The following TAFA1 variants were observed in gnomAD, a reference collection of about 807,000 sequenced individuals.
The protein encoded by TAFA1 is TAFA chemokine like family member 1, also known as chemokine-like protein TAFA-1.
In TAFA1, 4 loss-of-function variants were observed where a neutral mutation model predicts 18.5. The ratio of observed to expected loss-of-function variants is 0.22; its 90% CI spans 0.11 to 0.49. The LOEUF (loss-of-function observed/expected upper bound fraction) is 0.49. TAFA1 is among the 20% of genes least tolerant of loss of function. The probability of loss-of-function intolerance (pLI) is 0.98; values close to 1 mark genes in which losing one functional copy is unlikely to be tolerated. For missense variants in TAFA1, 147 were observed against 169.0 expected (o/e 0.87, Z 0.72); for synonymous variants, 56 against 55.2 (o/e 1.01, Z -0.06).
At chr3:68,290,000 G>A (rs947738039) in intron 2 of TAFA1, among the ~76,000 whole-genome samples, 1 of 152,142 alleles carries the variant, frequency 6.6e-6, no homozygotes, top group African/African-American at 2.4e-5. Context: ...TTAAAATTAA[G>A]ATTTTTATCC....
At chr3:67,998,997 T>A in the TAFA1 span, among the ~76,000 whole-genome samples, 1 of 152,340 alleles carries the variant, frequency 6.6e-6, no homozygotes, top group South Asian at 2.1e-4. Flanking sequence ...ATCTTTCTTC[T>A]AGCTTACTAA....
At chr3:68,343,340 C>T (rs1043399480) in intron 2 of TAFA1, among the ~76,000 whole-genome samples, 20 of 151,976 alleles carry the variant, frequency 1.3e-4, no homozygotes, top group African/African-American at 2.4e-4. Context: ...GGGATAGGAC[C>T]GGTAGTTTAC....
At chr3:68,495,998 CAAAAAAAAAAAAAAAA>C (rs199520960) in intron 3 of TAFA1, among the ~76,000 whole-genome samples, 103 of 107,524 alleles carry the variant, frequency 9.6e-4, no homozygotes, top group Admixed American at 1.0e-3. Context: ...TTCCCTGAAG[CAAAAAAAAAAAAAAAA>C]AAAAAAAAAA....
At chr3:68,357,807 A>G (rs1340232724) in intron 2 of TAFA1, among the ~76,000 whole-genome samples, 2 of 151,946 alleles carry the variant, frequency 1.3e-5, no homozygotes, top group African/African-American at 2.4e-5. Flanking sequence ...GAGATTCCCA[A>G]TTACACCTGT....
At chr3:68,270,015 G>A (rs1299661282) in intron 2 of TAFA1, among the ~76,000 whole-genome samples, 1 of 152,140 alleles carries the variant, frequency 6.6e-6, no homozygotes, top group East Asian at 1.9e-4. Context: ...TGGAAAGTCT[G>A]TGCCCCTTTC....
rs566074090 is a variant in TAFA1, at chr3:68,532,439, GA to G, written c.260-6316del. On this transcript the variant is annotated intron_variant, in intron 3 of 4. Transcript: ENST00000478136. ...CATTGAGTCTTTTTTTCGGAGGGGG[GA>G]TGGAGGGTGGGCAGTGCTCAGAGAA... is the stretch of plus-strand genomic sequence containing the variant. Among the ~76,000 whole-genome samples, 165 of 152,142 alleles carry G rather than the reference GA, an allele frequency of 1.1e-3. 1 individual carries two copies. The highest frequency in any genetic ancestry group is 1.9e-3 in the Non-Finnish European group (128 of 67,992).
intron 3 of TAFA1, among the ~76,000 whole-genome samples, chr3:68,467,651 G>C (rs900485858): frequency 6.6e-6 from 1 of 152,186 alleles, no homozygotes. Flanking sequence ...CAGGGGTAAG[G>C]GGAGATTCTG....
rs11410637 is a variant in TAFA1, at chr3:68,102,091, T to TA, written c.118+95348dup. ...AAGAATAAAGGTGAAGGTGTTAGAG[T>TA]AGCTGATACCTTTTTGACATTTTGA... On this transcript the variant is annotated intron_variant, in intron 2 of 4. Transcript: ENST00000478136. 5.4e-3 allele frequency among the ~76,000 whole-genome samples: 816 copies of TA among 152,286 alleles called. 5 individuals carry two copies. Among genetic ancestry groups the TA allele is most frequent in the African/African-American group, 0.019 (770 of 41,558 alleles).
intron 2 of TAFA1, among the ~76,000 whole-genome samples, chr3:68,082,338 C>A (rs2106778553): frequency 6.6e-6 from 1 of 152,310 alleles, no homozygotes; most frequent in Middle Eastern, 3.4e-3. Flanking sequence ...GGCTCCTCCC[C>A]CCTGTTCCTA....
At chr3:68,346,679 T>A (rs2069169943) in intron 2 of TAFA1, among the ~76,000 whole-genome samples, 1 of 152,198 alleles carries the variant, frequency 6.6e-6, no homozygotes, top group African/African-American at 2.4e-5. Context: ...GAACTTGCTG[T>A]AGGTTAACTC....
intron 3 of TAFA1, among the ~76,000 whole-genome samples, chr3:68,449,588 A>G (rs75986400): frequency 0.024 from 3,638 of 152,142 alleles, 69 homozygotes; most frequent in East Asian, 0.093. Context: ...TAAGAAGACT[A>G]CCCTCTCTCC....
chr3:68,433,078 A>G (rs1165755873), intron 3 of TAFA1, among the ~76,000 whole-genome samples: 2 of 152,046 alleles, frequency 1.3e-5, no homozygotes, highest in African/African-American at 4.8e-5. Context: ...GGATTTCTCA[A>G]AGACACCTCA....
At position 68,116,669 on chromosome 3, in the gene TAFA1, T is replaced by G. The variant is rs534572794; in HGVS notation, c.118+109925T>G. 1.1e-3 allele frequency among the ~76,000 whole-genome samples: 162 copies of G among 152,324 alleles called. No homozygotes were observed. In the South Asian group the frequency reaches 0.013, roughly 12 times the overall value. ...CAATATCGCATGATACTATTTTGTTTACCTATTTATCTTTGTCTGCTTGCC... is the reference window on the plus strand; with the variant it reads ...CAATATCGCATGATACTATTTTGTTGACCTATTTATCTTTGTCTGCTTGCC... On this transcript the variant is annotated intron_variant, in intron 2 of 4. Coordinates refer to ENST00000478136, the MANE Select transcript of TAFA1 (RefSeq NM_213609.4).
chr3:68,075,619 G>T (rs1163360448), intron 2 of TAFA1, among the ~76,000 whole-genome samples: 1 of 151,928 alleles, frequency 6.6e-6, no homozygotes, highest in Non-Finnish European at 1.5e-5. Flanking sequence ...AGTGTCTCAA[G>T]TGGGTAGAAA....
chr3:68,391,153 A>G (rs551731952), intron 2 of TAFA1, among the ~76,000 whole-genome samples: 2 of 152,182 alleles, frequency 1.3e-5, no homozygotes, highest in South Asian at 4.1e-4. Flanking sequence ...TAACCAGTTT[A>G]GAGAAGAACA....
intron 2 of TAFA1, among the ~76,000 whole-genome samples, chr3:68,413,939 A>G (rs1253690792): frequency 1.3e-5 from 2 of 152,136 alleles, no homozygotes; most frequent in African/African-American, 4.8e-5. Context: ...CATGGGGTAC[A>G]TGCCTGGGGT....
chr3:68,239,896 T>C (rs1295334965), intron 2 of TAFA1, among the ~76,000 whole-genome samples: 1 of 152,220 alleles, frequency 6.6e-6, no homozygotes, highest in Non-Finnish European at 1.5e-5. Context: ...GCCTTTTAAA[T>C]ATATAATAGC....
At chr3:68,221,173 A>T (rs1259396330) in intron 2 of TAFA1, among the ~76,000 whole-genome samples, 1 of 152,220 alleles carries the variant, frequency 6.6e-6, no homozygotes, top group African/African-American at 2.4e-5. Context: ...ATTTTGGTCC[A>T]GTAACAAATA....
chr3:68,336,531 G>A (rs994618886), intron 2 of TAFA1, among the ~76,000 whole-genome samples: 6 of 152,226 alleles, frequency 3.9e-5, no homozygotes, highest in Non-Finnish European at 7.3e-5. Context: ...AAGAGCCAAA[G>A]TTTGTGACTT....
Sources: allele counts gnomAD v4.1 joint callset (sites outside exome capture counted in the v4.1 genomes callset), GRCh38; gene constraint gnomAD v4.1.1; transcripts MANE v1.5; gene names NCBI Gene and HGNC (gene_info 2026-07-23, HGNC 2026-07-21).